Variants in SCLT1 observed in about 807,000 individuals in gnomAD.
The protein encoded by SCLT1 is sodium channel and clathrin linker 1.
In SCLT1, 78 loss-of-function variants were observed where a neutral mutation model predicts 112.8. The ratio of observed to expected loss-of-function variants is 0.69; its 90% CI spans 0.58 to 0.83. SCLT1 has a LOEUF of 0.83. SCLT1 is among the 40% of genes least tolerant of loss of function. The probability of loss-of-function intolerance (pLI) is 0.00; values close to 1 mark genes in which losing one functional copy is unlikely to be tolerated. For missense variants in SCLT1, 747 were observed against 770.4 expected, an observed-to-expected ratio of 0.97 and a Z score of 0.36; for synonymous variants, 257 against 254.7, an observed-to-expected ratio of 1.01 and a Z score of -0.09.
intron 2 of SCLT1, among the ~76,000 whole-genome samples, chr4:129,052,584 TC>T (rs1748910666): frequency 6.6e-6 from 1 of 152,154 alleles, no homozygotes; most frequent in Non-Finnish European, 1.5e-5. Context: ...ATCCCCTTTA[TC>T]ATTTTTTATT....
At chr4:129,063,954 C>T (rs1750235654) in intron 2 of SCLT1, among the ~76,000 whole-genome samples, 1 of 152,172 alleles carries the variant, frequency 6.6e-6, no homozygotes, top group South Asian at 2.1e-4. Flanking sequence ...GCTGTGCCAT[C>T]TTGGGGCAGG....
chr4:128,989,981 G>T (rs1197442225), intron 9 of SCLT1, among the ~76,000 whole-genome samples: 1 of 151,772 alleles, frequency 6.6e-6, no homozygotes, highest in Non-Finnish European at 1.5e-5. Flanking sequence ...TCAAAGAAAA[G>T]ACTAGGACTT....
intron 8 of SCLT1, among the ~76,000 whole-genome samples, chr4:128,992,555 C>T (rs577492458): frequency 6.6e-6 from 1 of 151,924 alleles, no homozygotes; most frequent in Non-Finnish European, 1.5e-5. Context: ...CTGTTCTGAG[C>T]AGCCTGACAT....
chr4:129,086,064 CTTT>C (rs1017870154), intron 1 of SCLT1, among the ~76,000 whole-genome samples: 1 of 151,066 alleles, frequency 6.6e-6, no homozygotes, highest in South Asian at 2.1e-4. Flanking sequence ...ATACAAACCT[CTTT>C]TTTTTTCCCT....
intron 13 of SCLT1, among the ~76,000 whole-genome samples, 174 bp downstream of exon 13, chr4:128,956,852 G>T (rs1739258280): frequency 2.0e-5 from 3 of 151,954 alleles, no homozygotes. Context: ...AAGGAAAGGA[G>T]CCTTTACTCA....
intron 20 of SCLT1, among the ~76,000 whole-genome samples, chr4:128,886,676 C>A (rs1017658807): frequency 2.0e-5 from 3 of 152,000 alleles, no homozygotes; most frequent in African/African-American, 7.3e-5. Flanking sequence ...CAGAACAATT[C>A]GTGAAGTGGT....
intron 18 of SCLT1, among the ~76,000 whole-genome samples, chr4:128,911,545 C>A (rs1249702523): frequency 6.6e-6 from 1 of 152,026 alleles, no homozygotes; most frequent in Non-Finnish European, 1.5e-5. Context: ...AGCTTCTGAT[C>A]CTAAGTTCTC....
At chr4:128,902,543 T>TA (rs966504781) in intron 18 of SCLT1, among the ~76,000 whole-genome samples, 1 of 152,046 alleles carries the variant, frequency 6.6e-6, no homozygotes, top group African/African-American at 2.4e-5. Context: ...GTATAAAAGA[T>TA]AAAAAATGGT....
rs34565251 is a variant in SCLT1, at chr4:128,916,485, G to A, written c.1829+20170C>T. 9.2e-4 allele frequency among the ~76,000 whole-genome samples: 140 copies of A among 152,262 alleles called. 1 individual carries two copies. Among genetic ancestry groups the A allele is most frequent in the Admixed American group, 8.2e-3 (126 of 15,296 alleles). ...CCAAAATATCTGCCAAGTGGCAGAA[G>A]CTTTCTCTGAGTAGATTTACAGTTT... On this transcript the variant is annotated intron_variant, in intron 18 of 20. Transcript: ENST00000281142.
At chr4:128,880,340 A>C (rs318502), downstream of SCLT1, among the ~76,000 whole-genome samples, 37,711 of 151,980 alleles carry the variant, frequency 0.25, 6,366 homozygotes, top group African/African-American at 0.48. Flanking sequence ...TCGAATGAAA[A>C]TATGGGTAGC....
At chr4:129,024,671 C>T (rs2126129515) in intron 5 of SCLT1, among the ~76,000 whole-genome samples, 1 of 152,356 alleles carries the variant, frequency 6.6e-6, no homozygotes, top group Admixed American at 6.5e-5. Context: ...CGCAGTTCCT[C>T]ACCAGCAACG....
intron 2 of SCLT1, among the ~76,000 whole-genome samples, chr4:129,070,098 T>C (rs1313604868): frequency 2.0e-5 from 3 of 152,190 alleles, no homozygotes; most frequent in Admixed American, 2.0e-4. Context: ...GCAGCCCTGC[T>C]CTAAAACCCA....
intron 9 of SCLT1, among the ~76,000 whole-genome samples, chr4:128,982,652 TC>T (rs1741761597): frequency 6.6e-6 from 1 of 151,626 alleles, no homozygotes; most frequent in Non-Finnish European, 1.5e-5. Context: ...CAGGCTCCCA[TC>T]ACCATGCCCG....
chr4:128,982,159 T>C (rs1401649153), intron 9 of SCLT1, among the ~76,000 whole-genome samples: 1 of 152,174 alleles, frequency 6.6e-6, no homozygotes, highest in Non-Finnish European at 1.5e-5. Flanking sequence ...TGAGAGATAA[T>C]GATAAGCTTA....
chr4:129,044,593 T>C (rs1748007785), intron 2 of SCLT1, among the ~76,000 whole-genome samples: 1 of 151,902 alleles, frequency 6.6e-6, no homozygotes, highest in Non-Finnish European at 1.5e-5. Flanking sequence ...AGGAGCTTAT[T>C]GAGAAAATTA....
At chr4:129,080,066 G>A (rs2125770745) in intron 2 of SCLT1, among the ~76,000 whole-genome samples, 1 of 152,326 alleles carries the variant, frequency 6.6e-6, no homozygotes, top group African/African-American at 2.4e-5. Flanking sequence ...GGGCAGTGGG[G>A]CCCTGGGCCT....
intron 19 of SCLT1, among the ~76,000 whole-genome samples, chr4:128,889,216 T>C (rs1024748343): frequency 7.9e-5 from 12 of 152,180 alleles, no homozygotes; most frequent in African/African-American, 2.9e-4. Context: ...CTGTTAGGGG[T>C]TGAATTGTGT....
chr4:128,996,555 A>C (rs983002227), intron 8 of SCLT1, among the ~76,000 whole-genome samples: 2 of 152,122 alleles, frequency 1.3e-5, no homozygotes, highest in Non-Finnish European at 2.9e-5. Context: ...ACAAGATCTT[A>C]TCACTTTGCT....
At chr4:128,923,607 T>C (rs1054041487) in intron 18 of SCLT1, among the ~76,000 whole-genome samples, 13 of 150,886 alleles carry the variant, frequency 8.6e-5, no homozygotes, top group African/African-American at 2.9e-4. Context: ...TTCACACATA[T>C]GGGATCATAC....
Sources: allele counts gnomAD v4.1 joint callset (sites outside exome capture counted in the v4.1 genomes callset), GRCh38; gene constraint gnomAD v4.1.1; transcripts MANE v1.5; gene names NCBI Gene and HGNC (gene_info 2026-07-23, HGNC 2026-07-21).